The following GRIA4 variants were observed in gnomAD, a reference collection of about 807,000 sequenced individuals.
GRIA4 encodes glutamate ionotropic receptor AMPA type subunit 4.
Under a neutral mutation model 104.0 loss-of-function variants are expected in GRIA4, and 34 were observed. The ratio of observed to expected loss-of-function variants is 0.33; its 90% CI spans 0.25 to 0.44. GRIA4 has a LOEUF of 0.44. Ranked by LOEUF, GRIA4 falls within the 20% of genes least tolerant of loss-of-function variation. The probability of loss-of-function intolerance (pLI) is 1.00; values close to 1 mark genes in which losing one functional copy is unlikely to be tolerated. For synonymous variants in GRIA4, 386 were observed against 381.9 expected (o/e 1.01, Z -0.13); for missense variants, 750 against 1,096.5 (o/e 0.68, Z 4.46).
chr11:105,929,071 C>G (rs1206507121), intron 13 of GRIA4, among the ~76,000 whole-genome samples: 1 of 152,026 alleles, frequency 6.6e-6, no homozygotes, highest in Non-Finnish European at 1.5e-5. Context: ...ATAATTTCCC[C>G]TGGCAACACG....
intron 4 of GRIA4, among the ~76,000 whole-genome samples, chr11:105,812,878 G>A (rs1943231249): frequency 6.6e-6 from 1 of 152,056 alleles, no homozygotes; most frequent in South Asian, 2.1e-4. Flanking sequence ...AAGGCGGGCG[G>A]ATCACGAGGT....
chr11:105,979,794 G>C lies in GRIA4; in HGVS notation c.*55G>C, dbSNP rs898377949. 2.5e-5 allele frequency: 35 copies of C among 1,379,846 alleles called. No individual in the cohort carries two copies. Among genetic ancestry groups the C allele is most frequent in the Non-Finnish European group, 3.3e-5 (32 of 979,904 alleles). 85.5% of individuals were successfully genotyped at this position (1,379,846 alleles called of 1,614,324 possible). A position where few individuals can be genotyped will look rare whatever the true frequency, so the allele number is the denominator to read the frequency against. On this transcript the variant is annotated 3_prime_UTR_variant, in exon 17 of 17. Transcript: ENST00000282499. ...TAAACTGTTGGTGACTGGTGGAAAC[G>C]CAGCCCTGAGGGACACGCCACGCGC...
intron 9 of GRIA4, among the ~76,000 whole-genome samples, chr11:105,908,846 C>A (rs1032504325): frequency 6.6e-6 from 1 of 151,984 alleles, no homozygotes; most frequent in Admixed American, 6.6e-5. Context: ...CTGATGAGAT[C>A]TTCAGGGTGG....
At chr11:105,723,219 A>AT (rs1937953595) in intron 3 of GRIA4, among the ~76,000 whole-genome samples, 1 of 152,090 alleles carries the variant, frequency 6.6e-6, no homozygotes, top group African/African-American at 2.4e-5. Flanking sequence ...ATTTAATCAA[A>AT]TTACGCAATT....
At chr11:105,880,479 C>A (rs1012303927) in intron 5 of GRIA4, among the ~76,000 whole-genome samples, 2 of 152,152 alleles carry the variant, frequency 1.3e-5, no homozygotes, top group Non-Finnish European at 2.9e-5. Flanking sequence ...GTTCTAGGAC[C>A]CTATCCAAAC....
chr11:105,628,086 TAC>T (rs569118742), intron 3 of GRIA4, among the ~76,000 whole-genome samples: 2 of 151,678 alleles, frequency 1.3e-5, no homozygotes, highest in East Asian at 3.9e-4. Context: ...TGTGTATGTG[TAC>T]ACACACACAA....
intron 3 of GRIA4, among the ~76,000 whole-genome samples, chr11:105,692,960 C>A (rs142433463): frequency 3.9e-5 from 6 of 152,136 alleles, no homozygotes; most frequent in Non-Finnish European, 8.8e-5. Context: ...AAAACACACA[C>A]GCTAGACTCT....
intron 3 of GRIA4, among the ~76,000 whole-genome samples, chr11:105,626,396 TAGTC>T (rs910119034): frequency 6.6e-6 from 1 of 152,164 alleles, no homozygotes; most frequent in Non-Finnish European, 1.5e-5. Context: ...TTAACCTTAA[TAGTC>T]AGAGAAAATC....
rs549990795 is a variant in GRIA4, at chr11:105,697,251, A to T, written c.248-55730A>T. 2.0e-5 allele frequency among the ~76,000 whole-genome samples: 3 copies of T among 152,318 alleles called. No individual in the cohort carries two copies. The East Asian group carries it at 5.8e-4, about 29-fold the overall frequency. On this transcript the variant is annotated intron_variant, in intron 3 of 16. Coordinates refer to ENST00000282499, the MANE Select transcript of GRIA4 (RefSeq NM_000829.4). Reference sequence around the variant, plus strand: ...TAGTTCTTCACCTGTATTGGAAAACAGCATGCCTTTGAAGAGCTGATGAAA... The same window carrying T: ...TAGTTCTTCACCTGTATTGGAAAACTGCATGCCTTTGAAGAGCTGATGAAA...
At chr11:105,780,259 G>A (rs562803843) in intron 4 of GRIA4, among the ~76,000 whole-genome samples, 17 of 152,212 alleles carry the variant, frequency 1.1e-4, no homozygotes, top group East Asian at 1.9e-4. Flanking sequence ...TTGTTAGTGC[G>A]GGAAAGAAAG....
In GRIA4 at chr11:105,980,666, T is replaced by C. The variant is rs1591510030; in HGVS notation, c.*927T>C. The C allele has an allele frequency of 6.6e-6, 1 of 152,660 alleles. No individual in the cohort carries two copies. Among genetic ancestry groups the C allele is most frequent in the East Asian group, 1.9e-4 (1 of 5,206 alleles). 9.5% of individuals were successfully genotyped at this position (152,660 alleles called of 1,614,324 possible). A position where few individuals can be genotyped will look rare whatever the true frequency, so the allele number is the denominator to read the frequency against. Reference sequence around the variant, plus strand: ...CTCATTCTGTGTACAACATTGTGGTTTTTGTACCCACCAAAAAGAATAAAA... The same window carrying C: ...CTCATTCTGTGTACAACATTGTGGTCTTTGTACCCACCAAAAAGAATAAAA... On this transcript the variant is annotated 3_prime_UTR_variant, in exon 17 of 17. Coordinates refer to ENST00000282499, the MANE Select transcript of GRIA4 (RefSeq NM_000829.4).
chr11:105,662,994 A>G (rs1952058314), intron 3 of GRIA4, among the ~76,000 whole-genome samples: 1 of 151,956 alleles, frequency 6.6e-6, no homozygotes, highest in Non-Finnish European at 1.5e-5. Context: ...AAAACCAGTG[A>G]ATGGGAACAG....
intron 10 of GRIA4, chr11:105,913,541 C>A: frequency 7.3e-6 from 6 of 820,466 alleles, no homozygotes; most frequent in Non-Finnish European, 8.8e-6. Context: ...TAAAAGTAAT[C>A]ATTTCTGCAA....
rs766742762 is a variant in GRIA4, at chr11:105,926,878, CCAAA to C, written c.1992_1995del (p.Thr665LysfsTer21). On this transcript the variant is annotated frameshift_variant, in exon 13 of 17. Coordinates refer to ENST00000282499, the MANE Select transcript of GRIA4 (RefSeq NM_000829.4). LOFTEE classifies it high-confidence loss of function. ...CCCATAGAAAGTGCAGAAGACCTGG[CCAAA>C]CAAACAGAAATTGCCTATGGAACAC... The C allele has an allele frequency of 6.2e-7, 1 of 1,611,916 alleles. No homozygotes were observed. Among genetic ancestry groups the C allele is most frequent in the African/African-American group, 1.3e-5 (1 of 74,918 alleles).
At chr11:105,973,533 T>C (rs964331083) in intron 15 of GRIA4, among the ~76,000 whole-genome samples, 13 of 152,046 alleles carry the variant, frequency 8.6e-5, no homozygotes, top group African/African-American at 3.1e-4. Context: ...GTGGGAATTA[T>C]ATTGTATTTT....
intron 3 of GRIA4, among the ~76,000 whole-genome samples, chr11:105,664,290 G>A (rs1217383841): frequency 6.7e-6 from 1 of 149,924 alleles, no homozygotes; most frequent in African/African-American, 2.5e-5. Context: ...TGCAAATGAA[G>A]GGCCCTAGGA....
chr11:105,714,767 T>G (rs1001755663), intron 3 of GRIA4, among the ~76,000 whole-genome samples: 3 of 152,110 alleles, frequency 2.0e-5, no homozygotes, highest in African/African-American at 7.2e-5. Context: ...TATTTGATCT[T>G]TAGCCGTTTT....
intron 11 of GRIA4, among the ~76,000 whole-genome samples, chr11:105,922,376 G>A (rs992029987): frequency 6.6e-6 from 1 of 152,086 alleles, no homozygotes; most frequent in Non-Finnish European, 1.5e-5. Flanking sequence ...CTGAAGAAAA[G>A]TTGGGCAAAG....
At chr11:105,916,663 A>C (rs1465662032) in intron 10 of GRIA4, among the ~76,000 whole-genome samples, 1 of 152,232 alleles carries the variant, frequency 6.6e-6, no homozygotes, top group Non-Finnish European at 1.5e-5. Flanking sequence ...GAGGGCATTT[A>C]GCAAATTAGA....
Sources: gnomAD v4.1 joint callset for allele counts (sites outside exome capture counted in the v4.1 genomes callset) on GRCh38, gnomAD v4.1.1 for gene constraint, MANE v1.5 for transcripts, NCBI Gene and HGNC (gene_info 2026-07-23, HGNC 2026-07-21) for gene names.